INPP4B: variants seen among roughly 807,000 people sequenced by gnomAD.
The protein encoded by INPP4B is inositol polyphosphate-4-phosphatase type II B.
Under a neutral mutation model 122.5 loss-of-function variants are expected in INPP4B, and 55 were observed. The observed-to-expected ratio is 0.45, with a 90% CI of 0.36 to 0.56. INPP4B has a LOEUF of 0.56. Ranked by LOEUF, INPP4B falls within the 20% of genes least tolerant of loss-of-function variation. The probability of loss-of-function intolerance (pLI) is 0.00; values close to 1 mark genes in which losing one functional copy is unlikely to be tolerated. For synonymous variants in INPP4B, 403 were observed against 388.7 expected, an observed-to-expected ratio of 1.04 and a Z score of -0.43; for missense variants, 1,000 against 1,097.7, an observed-to-expected ratio of 0.91 and a Z score of 1.26.
chr4:142,208,200 C>T (rs1375859325), intron 14 of INPP4B, among the ~76,000 whole-genome samples: 4 of 152,118 alleles, frequency 2.6e-5, no homozygotes, highest in African/African-American at 4.8e-5. Context: ...GCATTTTCAT[C>T]TCTACCTCAA....
At chr4:142,208,590 A>G in intron 13 of INPP4B, 61 bp from the exon 14 acceptor site, 3 of 886,254 alleles carry the variant, frequency 3.4e-6, no homozygotes, top group Non-Finnish European at 5.1e-6. Context: ...ATGTGTGTTA[A>G]AAGATAAATT....
rs77081782 is a variant in INPP4B, at chr4:142,124,429, T to C, written c.1893+159A>G. On this transcript the variant is annotated intron_variant, in intron 19 of 25. Transcript: ENST00000262992. ...TCTCATAAACTCTTTGCTTAGGATATTCAGCTGATATTTATCGTGAATAAG... is the reference window on the plus strand; with the variant it reads ...TCTCATAAACTCTTTGCTTAGGATACTCAGCTGATATTTATCGTGAATAAG... Among the ~76,000 whole-genome samples the C allele has an allele frequency of 3.0e-3, 456 of 152,278 alleles. 3 individuals are homozygous for C. Among genetic ancestry groups the C allele is most frequent in the African/African-American group, 0.01 (427 of 41,572 alleles).
intron 2 of INPP4B, among the ~76,000 whole-genome samples, chr4:142,588,806 A>C (rs1187451951): frequency 1.3e-5 from 2 of 151,846 alleles, no homozygotes; most frequent in Non-Finnish European, 2.9e-5. Context: ...CAAAAATCTC[A>C]GCAATTAATT....
chr4:142,359,883 T>A (rs1290120366), intron 7 of INPP4B, among the ~76,000 whole-genome samples: 1 of 151,984 alleles, frequency 6.6e-6, no homozygotes, highest in Non-Finnish European at 1.5e-5. Context: ...GTTTATCCGA[T>A]CATGCTGAAC....
intron 1 of INPP4B, among the ~76,000 whole-genome samples, chr4:142,765,205 T>G (rs1771932993): frequency 6.6e-6 from 1 of 152,028 alleles, no homozygotes; most frequent in South Asian, 2.1e-4. Context: ...AATTAGAGAT[T>G]AGCAAGGCAA....
At position 142,706,649 on chromosome 4, in the gene INPP4B, A is replaced by G. The variant is rs570203064; in HGVS notation, c.-191+19190T>C. 1.2e-4 allele frequency among the ~76,000 whole-genome samples: 18 copies of G among 152,366 alleles called. No homozygotes were observed. In the South Asian group the frequency reaches 3.5e-3, roughly 30 times the overall value. ...AAACAAGCAAGCTTGGCTTTACTGCATGCTTCAAAAATAAATCCCATTGGC... is the reference window on the plus strand; with the variant it reads ...AAACAAGCAAGCTTGGCTTTACTGCGTGCTTCAAAAATAAATCCCATTGGC... On this transcript the variant is annotated intron_variant, in intron 2 of 25. Coordinates refer to ENST00000262992, the MANE Select transcript of INPP4B (RefSeq NM_001101669.3).
chr4:142,729,983 C>T (rs1046169425), intron 1 of INPP4B, among the ~76,000 whole-genome samples: 1 of 151,860 alleles, frequency 6.6e-6, no homozygotes, highest in Non-Finnish European at 1.5e-5. Flanking sequence ...CACTAAACCT[C>T]AAAACTTCAA....
In INPP4B at chr4:142,723,946, T is replaced by C. The variant is rs1765019833; in HGVS notation, c.-191+1893A>G. ...TAAACGTCATTTCTCCTGGCCATAGTTCTCCCATCCCTAGCTATTCCTCAA... is the reference window on the plus strand; with the variant it reads ...TAAACGTCATTTCTCCTGGCCATAGCTCTCCCATCCCTAGCTATTCCTCAA... On this transcript the variant is annotated intron_variant, in intron 2 of 25. Transcript: ENST00000262992. Among the ~76,000 whole-genome samples the C allele has an allele frequency of 2.6e-5, 4 of 152,090 alleles. No homozygotes were observed. The South Asian group carries it at 8.3e-4, about 32-fold the overall frequency.
chr4:142,215,554 C>T (rs1445599930), intron 12 of INPP4B, among the ~76,000 whole-genome samples: 2 of 152,044 alleles, frequency 1.3e-5, no homozygotes, highest in South Asian at 2.1e-4. Context: ...TATTCAAGAG[C>T]ATAATGGTGT....
chr4:142,290,149 T>C (rs918220533), intron 9 of INPP4B, among the ~76,000 whole-genome samples: 14 of 150,612 alleles, frequency 9.3e-5, no homozygotes, highest in African/African-American at 3.4e-4. Context: ...CTTTCATTTC[T>C]ATACCACCTG....
chr4:142,402,553 A>T (rs2149154704), intron 7 of INPP4B, among the ~76,000 whole-genome samples: 1 of 152,328 alleles, frequency 6.6e-6, no homozygotes, highest in Admixed American at 6.5e-5. Context: ...TATGCAATAC[A>T]TTGTAAAAGT....
intron 7 of INPP4B, among the ~76,000 whole-genome samples, chr4:142,341,804 GC>G (rs35259806): frequency 0.28 from 42,136 of 152,000 alleles, 7,249 homozygotes; most frequent in Non-Finnish European, 0.39. Flanking sequence ...ATTGCAGGTG[GC>G]CTCCAGGATC....
intron 7 of INPP4B, among the ~76,000 whole-genome samples, chr4:142,368,708 G>GA (rs78401519): frequency 3.6e-3 from 532 of 146,798 alleles, no homozygotes; most frequent in Non-Finnish European, 5.7e-3. Flanking sequence ...AAATTAATAG[G>GA]AAAAAAAAAA....
intron 16 of INPP4B, among the ~76,000 whole-genome samples, chr4:142,173,252 T>C (rs1579165590): frequency 6.6e-6 from 1 of 151,960 alleles, no homozygotes; most frequent in East Asian, 1.9e-4. Context: ...GGCATTCCTA[T>C]TCAAATGTAA....
intron 11 of INPP4B, among the ~76,000 whole-genome samples, chr4:142,255,309 T>G (rs2150287409): frequency 6.7e-6 from 1 of 149,802 alleles, no homozygotes; most frequent in South Asian, 2.1e-4. Flanking sequence ...AGGAGCAAAA[T>G]AACCAGCTAA....
Position 142,157,506 on chromosome 4 carries a change from C to T in INPP4B, c.1563+2852G>A, listed in dbSNP as rs192420817. 3.3e-5 allele frequency among the ~76,000 whole-genome samples: 5 copies of T among 152,186 alleles called. No homozygotes were observed. In the East Asian group the frequency reaches 7.8e-4, roughly 24 times the overall value. On this transcript the variant is annotated intron_variant, in intron 17 of 25. Transcript: ENST00000262992. ...TAAATTTAGGCAAAGCTTGTATATG[C>T]TTTCCAGAAACAATGAGTTCAGAAG...
intron 7 of INPP4B, among the ~76,000 whole-genome samples, chr4:142,375,489 T>C (rs886222709): frequency 6.6e-6 from 1 of 151,930 alleles, no homozygotes; most frequent in African/African-American, 2.4e-5. Flanking sequence ...AAAAAAGTCA[T>C]TTCCAACCAG....
chr4:142,177,829 A>G (rs1829028911), intron 15 of INPP4B, among the ~76,000 whole-genome samples: 4 of 152,158 alleles, frequency 2.6e-5, no homozygotes, highest in Admixed American at 2.6e-4. Flanking sequence ...ATTGCTAACC[A>G]AAATACAATT....
chr4:142,086,388 CA>C, intron 23 of INPP4B, 132 bp from the exon 24 acceptor site: 1 of 614,342 alleles, frequency 1.6e-6, no homozygotes, highest in Non-Finnish European at 2.9e-6. Context: ...TCTGCCTACC[CA>C]GGCTGGAGTG....
Sources: gnomAD v4.1 joint callset for allele counts (sites outside exome capture counted in the v4.1 genomes callset) on GRCh38, gnomAD v4.1.1 for gene constraint, MANE v1.5 for transcripts, NCBI Gene and HGNC (gene_info 2026-07-23, HGNC 2026-07-21) for gene names.